The following GRAMD2B variants were observed in gnomAD, a reference collection of about 807,000 sequenced individuals.
The protein encoded by GRAMD2B is GRAM domain-containing protein 2B.
A neutral mutation model predicts 59.2 loss-of-function variants in GRAMD2B; 41 were observed. That is an observed-to-expected ratio of 0.69 (90% confidence interval 0.54 to 0.90). The LOEUF is 0.90. Ranked by LOEUF, GRAMD2B falls within the 40% of genes least tolerant of loss-of-function variation. GRAMD2B has a pLI of 0.00. For missense variants in GRAMD2B, 424 were observed against 500.5 expected (o/e 0.85, Z 1.46); for synonymous variants, 161 against 182.7 (o/e 0.88, Z 0.96).
chr5:126,448,666 C>T (rs1317460627), intron 1 of GRAMD2B, among the ~76,000 whole-genome samples: 1 of 151,576 alleles, frequency 6.6e-6, no homozygotes, highest in African/African-American at 2.4e-5. Flanking sequence ...GCTAAGCCAA[C>T]CAAATTAGGG....
intron 1 of GRAMD2B, among the ~76,000 whole-genome samples, chr5:126,439,330 T>TC (rs1762918427): frequency 7.0e-6 from 1 of 142,752 alleles, no homozygotes; most frequent in Admixed American, 6.9e-5. Context: ...TGGTTTTGCT[T>TC]TTTTTTTTTT....
At chr5:126,489,750 T>C (rs1442836196) in intron 13 of GRAMD2B, among the ~76,000 whole-genome samples, 1 of 152,076 alleles carries the variant, frequency 6.6e-6, no homozygotes, top group Non-Finnish European at 1.5e-5. Flanking sequence ...TCTTCTCCTT[T>C]ATCTGATAAC....
At chr5:126,471,103 C>T (rs1769490591) in intron 3 of GRAMD2B, among the ~76,000 whole-genome samples, 2 of 152,134 alleles carry the variant, frequency 1.3e-5, no homozygotes, top group Non-Finnish European at 2.9e-5. Context: ...ATCTTGATGA[C>T]CTGGTCTGTA....
At chr5:126,478,873 A>G (rs1359375283) in intron 6 of GRAMD2B, among the ~76,000 whole-genome samples, 5 of 152,188 alleles carry the variant, frequency 3.3e-5, no homozygotes, top group African/African-American at 1.2e-4. Flanking sequence ...ACCTCAATCA[A>G]TACCTCCCTA....
intron 13 of GRAMD2B, among the ~76,000 whole-genome samples, chr5:126,492,118 C>T (rs1774048704): frequency 6.6e-6 from 1 of 152,198 alleles, no homozygotes; most frequent in South Asian, 2.1e-4. Flanking sequence ...TCTTAAGATC[C>T]AAACATCTGA....
chr5:126,466,264 C>T, intron 2 of GRAMD2B: 1 of 1,550,510 alleles, frequency 6.4e-7, no homozygotes, highest in Non-Finnish European at 8.7e-7. Flanking sequence ...ATTATTAACT[C>T]CGCTTTTTGC....
intron 1 of GRAMD2B, among the ~76,000 whole-genome samples, chr5:126,409,139 G>T (rs1003244123): frequency 1.1e-4 from 17 of 151,894 alleles, no homozygotes; most frequent in African/African-American, 4.1e-4. Context: ...GAATAGTGCC[G>T]CAATAAACAC....
chr5:126,445,448 G>T (rs1234732545), intron 1 of GRAMD2B: 1 of 152,124 alleles, frequency 6.6e-6, no homozygotes, highest in Non-Finnish European at 1.5e-5. Context: ...AATGATCAGT[G>T]ATGTTGAGCT....
At chr5:126,444,512 T>A (rs747673685) in intron 1 of GRAMD2B, among the ~76,000 whole-genome samples, 1 of 152,234 alleles carries the variant, frequency 6.6e-6, no homozygotes, top group Non-Finnish European at 1.5e-5. Flanking sequence ...TGTTTATGAT[T>A]GATCAATTCA....
intron 1 of GRAMD2B, chr5:126,465,171 G>A: frequency 7.4e-7 from 1 of 1,345,020 alleles, no homozygotes; most frequent in Non-Finnish European, 9.6e-7. Flanking sequence ...GGGCAGCACA[G>A]ACCTGGGAGC....
chr5:126,408,467 G>C (rs1758454204), intron 1 of GRAMD2B, among the ~76,000 whole-genome samples: 1 of 151,702 alleles, frequency 6.6e-6, no homozygotes, highest in South Asian at 2.1e-4. Flanking sequence ...TATGTACTCA[G>C]TAATGGGATT....
chr5:126,472,182 G>C, intron 3 of GRAMD2B, 56 bp from the exon 4 acceptor site: 1 of 1,366,264 alleles, frequency 7.3e-7, no homozygotes, highest in Non-Finnish European at 1.0e-6. Flanking sequence ...AGTTGAATTT[G>C]TGATGTTTCA....
chr5:126,417,518 A>T (rs926004897), intron 1 of GRAMD2B, among the ~76,000 whole-genome samples: 1 of 152,206 alleles, frequency 6.6e-6, no homozygotes, highest in Admixed American at 6.5e-5. Context: ...TCTTCAAATG[A>T]CTTCAAACCC....
chr5:126,452,786 T>A (rs557624794), intron 1 of GRAMD2B, among the ~76,000 whole-genome samples: 58 of 152,200 alleles, frequency 3.8e-4, no homozygotes, highest in Non-Finnish European at 8.2e-4. Flanking sequence ...CTCTCTTTGA[T>A]CTTCTGTTCC....
intron 9 of GRAMD2B, 151 bp from the exon 10 acceptor site, chr5:126,484,251 T>C: frequency 1.2e-6 from 1 of 815,072 alleles, no homozygotes; most frequent in Non-Finnish European, 1.9e-6. Flanking sequence ...AAGCATTCAA[T>C]TTCAGCCCCA....
chr5:126,399,642 C>A (rs987844515), intron 1 of GRAMD2B, among the ~76,000 whole-genome samples: 2 of 152,142 alleles, frequency 1.3e-5, no homozygotes, highest in East Asian at 1.9e-4. Flanking sequence ...CAGTCTCAGG[C>A]AGTTCTTTAT....
intron 1 of GRAMD2B, among the ~76,000 whole-genome samples, chr5:126,407,596 G>A (rs1042018479): frequency 1.3e-5 from 2 of 151,898 alleles, no homozygotes; most frequent in Admixed American, 6.6e-5. Flanking sequence ...AAATATACAG[G>A]CTTAACTTCT....
At chr5:126,438,856 G>C (rs1385101830) in intron 1 of GRAMD2B, among the ~76,000 whole-genome samples, 2 of 152,210 alleles carry the variant, frequency 1.3e-5, no homozygotes, top group Non-Finnish European at 2.9e-5. Flanking sequence ...GAGGTTGATT[G>C]ATGAGGAGAA....
At chr5:126,436,442 A>T (rs1042958092) in intron 1 of GRAMD2B, among the ~76,000 whole-genome samples, 1 of 152,136 alleles carries the variant, frequency 6.6e-6, no homozygotes, top group African/African-American at 2.4e-5. Flanking sequence ...TGAGGCCAGG[A>T]GTTGGAGGCC....
Sources: gnomAD v4.1 joint callset for allele counts (sites outside exome capture counted in the v4.1 genomes callset) on GRCh38, gnomAD v4.1.1 for gene constraint, MANE v1.5 for transcripts, NCBI Gene and HGNC (gene_info 2026-07-23, HGNC 2026-07-21) for gene names.